The following ANLN variants were observed in gnomAD, a reference collection of about 807,000 sequenced individuals.
ANLN encodes the protein anillin, actin binding protein, also known as anillin.
Under a neutral mutation model 135.1 loss-of-function variants are expected in ANLN, and 59 were observed. The observed-to-expected ratio is 0.44, with a 90% confidence interval of 0.35 to 0.54. The LOEUF (loss-of-function observed/expected upper bound fraction) is 0.54, where lower values mean the gene tolerates loss of function less well. ANLN is among the 20% of genes least tolerant of loss of function. The pLI is 0.00. For missense variants in ANLN, 1,182 were observed against 1,340.0 expected (o/e 0.88, Z 1.84); for synonymous variants, 406 against 456.4 (o/e 0.89, Z 1.41).
chr7:36,421,354 C>T (rs975112917), intron 12 of ANLN, among the ~76,000 whole-genome samples: 13 of 151,966 alleles, frequency 8.6e-5, no homozygotes, highest in African/African-American at 3.1e-4. Flanking sequence ...AGGCATGAGC[C>T]ACCATGCCTG....
intron 10 of ANLN, 133 bp from the exon 11 acceptor site, chr7:36,420,036 C>T: frequency 1.2e-6 from 1 of 846,112 alleles, no homozygotes; most frequent in Non-Finnish European, 1.8e-6. Context: ...ACTTAGTTTG[C>T]TTTGTTTTTA....
intron 21 of ANLN, among the ~76,000 whole-genome samples, chr7:36,440,992 A>G (rs1047526831): frequency 2.6e-5 from 4 of 152,178 alleles, no homozygotes; most frequent in Admixed American, 2.6e-4. Flanking sequence ...ACTGTAGCCA[A>G]CTTCCCAAGG....
At chr7:36,440,245 G>A (rs148505386) in intron 21 of ANLN, among the ~76,000 whole-genome samples, 6 of 152,310 alleles carry the variant, frequency 3.9e-5, no homozygotes, top group Non-Finnish European at 7.4e-5. Flanking sequence ...TTGAAAGGAC[G>A]GATGGAAGGA....
At chr7:36,422,555 C>T in intron 13 of ANLN, 78 bp from the exon 14 acceptor site, 5 of 1,268,176 alleles carry the variant, frequency 3.9e-6, no homozygotes, top group Admixed American at 2.6e-5. Context: ...GTTTCCATAT[C>T]AGTACACTTT....
chr7:36,392,064 A>T (rs1479024426), intron 1 of ANLN, among the ~76,000 whole-genome samples: 2 of 152,126 alleles, frequency 1.3e-5, no homozygotes, highest in East Asian at 1.9e-4. Context: ...CCAGTACAAG[A>T]ATACTACAAA....
rs956840168 is a variant in ANLN, at chr7:36,417,078, A to G, written c.1523-2A>G. ...AATATGGTCTTTCTTAAACATTTTT[A>G]GGTTTCACTGAATGCGAAATGACGA... is the stretch of plus-strand genomic sequence containing the variant. On this transcript the variant is annotated splice_acceptor_variant, in intron 8 of 23. Coordinates refer to ENST00000265748, the MANE Select transcript of ANLN (RefSeq NM_018685.5). LOFTEE classifies it high-confidence loss of function. 3 of 1,544,634 alleles carry G rather than the reference A, an allele frequency of 1.9e-6. No homozygotes were observed. Among genetic ancestry groups the G allele is most frequent in the Non-Finnish European group, 1.8e-6 (2 of 1,129,356 alleles).
chr7:36,435,961 G>T (rs1472812941), intron 20 of ANLN, among the ~76,000 whole-genome samples: 1 of 139,596 alleles, frequency 7.2e-6, no homozygotes, highest in Admixed American at 7.2e-5. Context: ...ATAATGTATT[G>T]AAATGAAATT....
intron 17 of ANLN, among the ~76,000 whole-genome samples, chr7:36,425,317 C>CG (rs1788036926): frequency 8.0e-6 from 1 of 124,290 alleles, no homozygotes; most frequent in African/African-American, 3.0e-5. Context: ...TTTTTTGAGA[C>CG]GGAGTCTCGC....
At chr7:36,431,611 A>G (rs1207827161) in intron 20 of ANLN, among the ~76,000 whole-genome samples, 90 of 35,866 alleles carry the variant, frequency 2.5e-3, no homozygotes, top group African/African-American at 6.1e-3. Context: ...ATATATATAT[A>G]TATATAATAT....
At chr7:36,415,950 T>A in intron 8 of ANLN, 66 bp downstream of exon 8, 1 of 1,345,632 alleles carries the variant, frequency 7.4e-7, no homozygotes, top group South Asian at 1.5e-5. Context: ...GTGTTGATTT[T>A]GTATTCTGTA....
chr7:36,417,036 A>G (rs755119070), intron 8 of ANLN, 44 bp from the exon 9 acceptor site: 6 of 992,238 alleles, frequency 6.0e-6, no homozygotes, highest in African/African-American at 1.7e-5. Flanking sequence ...AGAAAATTAT[A>G]GGTTCTTATA....
chr7:36,452,562 C>A lies in ANLN; in HGVS notation c.3337C>A (p.Gln1113Lys), dbSNP rs769273957. ...NQVLVDIRLW[Q>K]PDACYKPIGK... is the part of the protein sequence containing the mutation. ...AGTTCTTGTTGATATTCGCCTCTGG[C>A]AACCTGATGCTTGCTACAAACCTAT... is the stretch of plus-strand genomic sequence containing the variant. Residue 1113 changes from glutamine (Q) to lysine (K), a missense_variant, in exon 24 of 24, where the codon CAA (glutamine) becomes AAA (lysine). Gln to Lys is a moderately conservative substitution (Grantham distance 53). Around this residue, in one of 3 missense-constraint regions of ANLN, gnomAD observed 78 missense variants for 72.7 expected, o/e 1.07. Coordinates refer to ENST00000265748, the MANE Select transcript of ANLN (RefSeq NM_018685.5). 6.2e-6 allele frequency: 10 copies of A among 1,613,920 alleles called. No homozygotes were observed. The highest frequency in any genetic ancestry group is 1.7e-5 in the Admixed American group (1 of 59,990).
At chr7:36,422,945 A>G (rs1787938843) in intron 14 of ANLN, 136 bp downstream of exon 14, 8 of 680,214 alleles carry the variant, frequency 1.2e-5, no homozygotes, top group Admixed American at 3.0e-5. Flanking sequence ...TTTTATTGAG[A>G]TATAATAAAA....
Position 36,389,989 on chromosome 7 carries a change from C to G in ANLN, c.-38C>G. 1 of 1,614,106 alleles carries G rather than the reference C, an allele frequency of 6.2e-7. No individual in the cohort carries two copies. The highest frequency in any genetic ancestry group is 8.5e-7 in the Non-Finnish European group (1 of 1,179,968). On this transcript the variant is annotated 5_prime_UTR_variant, in exon 1 of 24. Coordinates refer to ENST00000265748, the MANE Select transcript of ANLN (RefSeq NM_018685.5). ...CACTTTTCTCTTCCTGAATTTGAAC[C>G]ACCGTTTCCATCGTCTCGTAGTCCG...
At chr7:36,445,725 T>G (rs1367903244) in intron 22 of ANLN, among the ~76,000 whole-genome samples, 1 of 152,260 alleles carries the variant, frequency 6.6e-6, no homozygotes, top group African/African-American at 2.4e-5. Context: ...GAGAGTTCTT[T>G]TTTGAATGTT....
chr7:36,406,261 A>G lies in ANLN; in HGVS notation c.568A>G (p.Asn190Asp), dbSNP rs1279064181. ...AASPPRPLLS[N>D]ASATPVGRRG... ...TTCCCCTCCCAGACCTCTGCTTTCA[A>G]ATGCCTCGGCAACTCCAGTTGGCAG... The change falls in exon 4 of 24, where the codon AAT becomes GAT. Residue 190 changes from asparagine to aspartate, a missense_variant. By Grantham distance (23) the Asn-to-Asp change is conservative (BLOSUM62 1). This residue lies in a region of ANLN where 1,022 missense variants were observed against 1,134.0 expected (regional missense o/e 0.90). Transcript: ENST00000265748. The G allele has an allele frequency of 6.2e-7, 1 of 1,614,132 alleles. No homozygotes were observed. Among genetic ancestry groups the G allele is most frequent in the East Asian group, 2.2e-5 (1 of 44,890 alleles).
chr7:36,448,177 C>T (rs1209217686), intron 22 of ANLN, among the ~76,000 whole-genome samples: 10 of 152,162 alleles, frequency 6.6e-5, no homozygotes, highest in African/African-American at 2.4e-4. Context: ...CCACGCACGG[C>T]TAGTTTTTGT....
intron 7 of ANLN, 112 bp downstream of exon 7, chr7:36,411,278 T>G: frequency 1.2e-6 from 1 of 800,494 alleles, no homozygotes; most frequent in Non-Finnish European, 1.9e-6. Flanking sequence ...TCCAATTAAC[T>G]CTGTCACTTT....
At chr7:36,410,370 A>G (rs1203239313) in intron 5 of ANLN, 144 bp from the exon 6 acceptor site, 4 of 677,018 alleles carry the variant, frequency 5.9e-6, no homozygotes, top group Non-Finnish European at 9.2e-6. Context: ...ATTTTGAAGT[A>G]TTTTTATAGT....
Sources: gnomAD v4.1 joint callset for allele counts (sites outside exome capture counted in the v4.1 genomes callset) on GRCh38, gnomAD v4.1.1 for gene constraint, gnomAD v4.1.1 regional missense constraint, MANE v1.5 for transcripts, NCBI Gene and HGNC (gene_info 2026-07-23, HGNC 2026-07-21) for gene names.